Variants in BPIFC observed in about 807,000 individuals in gnomAD.
The protein encoded by BPIFC is BPI fold-containing family C protein.
A neutral mutation model predicts 57.6 loss-of-function variants in BPIFC; 60 were observed. The observed-to-expected ratio is 1.04, with a 90% CI of 0.85 to 1.29. The LOEUF (loss-of-function observed/expected upper bound fraction) is 1.29, where lower values mean the gene tolerates loss of function less well. BPIFC is among the 50% of genes most tolerant of loss of function. BPIFC has a pLI of 0.00. For missense variants in BPIFC, 581 were observed against 600.5 expected, an observed-to-expected ratio of 0.97 and a Z score of 0.34; for synonymous variants, 243 against 224.5, an observed-to-expected ratio of 1.08 and a Z score of -0.74.
rs1601492140 is a variant in BPIFC, at chr22:32,464,355, G to A, written c.-89+19C>T. ...AGATCATGGCTGGCAGAGACCTGAAGTTTGTTCATGAGTCTTACCTCAAGC... is the reference window on the plus strand; with the variant it reads ...AGATCATGGCTGGCAGAGACCTGAAATTTGTTCATGAGTCTTACCTCAAGC... On this transcript the variant is annotated intron_variant, in intron 1 of 16. Transcript: ENST00000300399. 1 of 983,886 alleles carries A rather than the reference G, an allele frequency of 1.0e-6. No individual in the cohort carries two copies. Among genetic ancestry groups the A allele is most frequent in the Non-Finnish European group, 1.2e-6 (1 of 828,594 alleles). The allele number at this position is 983,886 out of a possible 1,614,324, so 60.9% of individuals were successfully genotyped here.
chr22:32,415,897 T>G lies in BPIFC; in HGVS notation c.1401+18A>C. The G allele has an allele frequency of 1.0e-4, 153 of 1,527,938 alleles. No homozygotes were observed. Among genetic ancestry groups the G allele is most frequent in the Non-Finnish European group, 1.2e-4 (138 of 1,123,260 alleles). The allele number at this position is 1,527,938 out of a possible 1,614,324, so 94.6% of individuals were successfully genotyped here. A position where few individuals can be genotyped will look rare whatever the true frequency, so the allele number is the denominator to read the frequency against. ...AAAAAGAAATGGGTCAGTTAAGAGG[T>G]GAGATTTGCATTCTTACCTCAAGAA... On this transcript the variant is annotated intron_variant, in intron 16 of 16. Coordinates refer to ENST00000300399, the MANE Select transcript of BPIFC (RefSeq NM_174932.3).
chr22:32,429,121 G>A (rs1369106479), intron 13 of BPIFC, among the ~76,000 whole-genome samples: 1 of 152,072 alleles, frequency 6.6e-6, no homozygotes, highest in East Asian at 1.9e-4. Context: ...ATTAACAGCT[G>A]TTGTGTTTGT....
intron 3 of BPIFC, among the ~76,000 whole-genome samples, chr22:32,455,491 C>T (rs1935014086): frequency 6.6e-6 from 1 of 152,186 alleles, no homozygotes; most frequent in African/African-American, 2.4e-5. Context: ...TAGGACTCCA[C>T]ATACGTTCTC....
chr22:32,449,951 G>A (rs1187197660), intron 4 of BPIFC, among the ~76,000 whole-genome samples: 3 of 151,968 alleles, frequency 2.0e-5, no homozygotes, highest in Non-Finnish European at 4.4e-5. Flanking sequence ...AGCCAGGATG[G>A]TCTCGATCTC....
chr22:32,455,243 G>A (rs1220872426), intron 3 of BPIFC, among the ~76,000 whole-genome samples: 1 of 151,766 alleles, frequency 6.6e-6, no homozygotes, highest in African/African-American at 2.4e-5. Context: ...TAGAGATCGG[G>A]TTTCACCATG....
At chr22:32,435,317 A>T (rs560347664) in intron 10 of BPIFC, among the ~76,000 whole-genome samples, 1 of 152,340 alleles carries the variant, frequency 6.6e-6, no homozygotes, top group Admixed American at 6.5e-5. Context: ...GAACATTCCT[A>T]ATCTGAATAT....
intron 13 of BPIFC, among the ~76,000 whole-genome samples, chr22:32,423,471 A>G (rs1490520363): frequency 6.6e-6 from 1 of 151,982 alleles, no homozygotes; most frequent in East Asian, 1.9e-4. Context: ...GGAATTGTTT[A>G]TATGCCCAAG....
At chr22:32,415,436 A>G (rs1217608432) in intron 16 of BPIFC, among the ~76,000 whole-genome samples, 2 of 152,202 alleles carry the variant, frequency 1.3e-5, no homozygotes, top group African/African-American at 4.8e-5. Flanking sequence ...ATGCATAATG[A>G]TGAGCCGGAA....
chr22:32,462,889 C>T (rs906918348), intron 1 of BPIFC, among the ~76,000 whole-genome samples: 1 of 152,134 alleles, frequency 6.6e-6, no homozygotes, highest in Admixed American at 6.5e-5. Context: ...TACATGTGCA[C>T]AGAAAACCAA....
At chr22:32,430,860 C>T (rs1438272946) in intron 13 of BPIFC, among the ~76,000 whole-genome samples, 2 of 151,964 alleles carry the variant, frequency 1.3e-5, no homozygotes, top group East Asian at 3.9e-4. Flanking sequence ...CCAGGCTGGG[C>T]TCAAACTCCT....
At chr22:32,417,619 T>G (rs1268488883) in intron 14 of BPIFC, among the ~76,000 whole-genome samples, 3 of 152,206 alleles carry the variant, frequency 2.0e-5, no homozygotes, top group Non-Finnish European at 4.4e-5. Context: ...ACTTTTTCCC[T>G]CTTGAGGACA....
chr22:32,435,382 C>T (rs893919087), intron 10 of BPIFC, among the ~76,000 whole-genome samples: 7 of 152,216 alleles, frequency 4.6e-5, no homozygotes, highest in South Asian at 2.1e-4. Context: ...TGATACACAA[C>T]GGAAATGCTT....
Position 32,451,721 on chromosome 22 carries a change from A to T in BPIFC, c.245+1662T>A, listed in dbSNP as rs112287546. ...TAAATATATATATAAATAAATTTTT[A>T]AAAAAAGAAAATACCTGTTTCTCCC... is the stretch of plus-strand genomic sequence containing the variant. On this transcript the variant is annotated intron_variant, in intron 4 of 16. Coordinates refer to ENST00000300399, the MANE Select transcript of BPIFC (RefSeq NM_174932.3). Among the ~76,000 whole-genome samples, 394 of 152,202 alleles carry T rather than the reference A, an allele frequency of 2.6e-3. 2 individuals are homozygous for T. The highest frequency in any genetic ancestry group is 0.011 in the East Asian group (59 of 5,184).
At chr22:32,456,300 C>T (rs897983478) in intron 3 of BPIFC, among the ~76,000 whole-genome samples, 2 of 152,170 alleles carry the variant, frequency 1.3e-5, no homozygotes, top group Non-Finnish European at 2.9e-5. Flanking sequence ...AACATTTGTG[C>T]AAGATGGCTC....
At chr22:32,450,676 A>AT (rs1273901306) in intron 4 of BPIFC, among the ~76,000 whole-genome samples, 1 of 152,032 alleles carries the variant, frequency 6.6e-6, no homozygotes, top group Non-Finnish European at 1.5e-5. Flanking sequence ...CAAACATTGG[A>AT]TTTTATGAGA....
At chr22:32,453,647 G>A (rs1451451061) in intron 3 of BPIFC, 144 bp from the exon 4 acceptor site, 1 of 1,090,246 alleles carries the variant, frequency 9.2e-7, no homozygotes, top group African/African-American at 1.6e-5. Flanking sequence ...GGGTATTATT[G>A]TCTCTGGTTT....
rs139584141 is a variant in BPIFC, at chr22:32,455,285, G to A, written c.125-1782C>T. ...TGGATGGTCTCGATCTCTTGACCTC[G>A]TGATCCTCCTGCCTCGGCCTCCCAA... On this transcript the variant is annotated intron_variant, in intron 3 of 16. Transcript: ENST00000300399. Among the ~76,000 whole-genome samples the A allele has an allele frequency of 3.8e-3, 576 of 152,004 alleles. 2 individuals carry two copies. The highest frequency in any genetic ancestry group is 0.013 in the African/African-American group (545 of 41,474).
At chr22:32,460,044 G>A (rs920076112) in intron 2 of BPIFC, among the ~76,000 whole-genome samples, 4 of 152,096 alleles carry the variant, frequency 2.6e-5, no homozygotes, top group Admixed American at 2.0e-4. Context: ...TTGATTAAGG[G>A]GGGTGAGTAG....
At chr22:32,453,560 T>C (rs1183291239) in intron 3 of BPIFC, 57 bp from the exon 4 acceptor site, 2 of 1,521,116 alleles carry the variant, frequency 1.3e-6, no homozygotes, top group Non-Finnish European at 8.8e-7. Flanking sequence ...AATAGCATAA[T>C]AACATTAACC....
Sources: allele counts gnomAD v4.1 joint callset (sites outside exome capture counted in the v4.1 genomes callset), GRCh38; gene constraint gnomAD v4.1.1; transcripts MANE v1.5; gene names NCBI Gene and HGNC (gene_info 2026-07-23, HGNC 2026-07-21).